Variants in TGM6 observed in about 807,000 individuals in gnomAD.
TGM6 encodes the protein transglutaminase 6.
Under a neutral mutation model 77.5 loss-of-function variants are expected in TGM6, and 74 were observed. That is an observed-to-expected ratio of 0.96 (90% CI 0.79 to 1.16). TGM6 has a LOEUF of 1.16. Among genes scored for constraint, TGM6 ranks in the 50% most tolerant of loss-of-function variants. The probability of loss-of-function intolerance (pLI) is 0.00; values close to 1 mark genes in which losing one functional copy is unlikely to be tolerated. For missense variants in TGM6, 968 were observed against 940.2 expected, an observed-to-expected ratio of 1.03 and a Z score of -0.39; for synonymous variants, 383 against 378.9, an observed-to-expected ratio of 1.01 and a Z score of -0.12.
intron 1 of TGM6, among the ~76,000 whole-genome samples, chr20:2,392,493 CATA>C (rs2084635780): frequency 6.6e-6 from 1 of 152,176 alleles, no homozygotes. Flanking sequence ...ACCCCTGGAA[CATA>C]ATAAGTAACG....
intron 1 of TGM6, among the ~76,000 whole-genome samples, chr20:2,388,370 A>G (rs141074153): frequency 6.6e-6 from 1 of 152,256 alleles, no homozygotes; most frequent in African/African-American, 2.4e-5. Flanking sequence ...ACAGTCTGTA[A>G]CTTCTAGGCT....
intron 12 of TGM6, among the ~76,000 whole-genome samples, chr20:2,432,273 C>G (rs2084928661): frequency 6.6e-6 from 1 of 152,116 alleles, no homozygotes; most frequent in African/African-American, 2.4e-5. Flanking sequence ...GTCTCGAACT[C>G]CTGACCTCAG....
At chr20:2,418,544 G>A (rs1301711010) in intron 10 of TGM6, among the ~76,000 whole-genome samples, 3 of 152,132 alleles carry the variant, frequency 2.0e-5, no homozygotes, top group African/African-American at 4.8e-5. Flanking sequence ...CCAGGAAGGG[G>A]CAAAGCCAGG....
At chr20:2,427,506 A>G (rs1268275073) in intron 10 of TGM6, among the ~76,000 whole-genome samples, 1 of 151,878 alleles carries the variant, frequency 6.6e-6, no homozygotes, top group Non-Finnish European at 1.5e-5. Context: ...GGTTTTGGTG[A>G]TTTTCTCTAT....
At chr20:2,399,499 C>T (rs1026693930) in intron 5 of TGM6, 62 bp from the exon 6 acceptor site, 8 of 1,610,290 alleles carry the variant, frequency 5.0e-6, no homozygotes, top group East Asian at 2.2e-5. Flanking sequence ...GATTTGACCA[C>T]GATGCGGTTC....
At chr20:2,409,217 A>C (rs1486340344) in intron 9 of TGM6, among the ~76,000 whole-genome samples, 1 of 152,230 alleles carries the variant, frequency 6.6e-6, no homozygotes, top group African/African-American at 2.4e-5. Flanking sequence ...TAAACAATAC[A>C]TACGTCTAAA....
At chr20:2,413,724 T>G (rs2084797997) in intron 9 of TGM6, among the ~76,000 whole-genome samples, 1 of 152,326 alleles carries the variant, frequency 6.6e-6, no homozygotes, top group South Asian at 2.1e-4. Context: ...TGGCCTCCTA[T>G]CTCACACGAT....
Position 2,423,776 on chromosome 20 carries a change from C to A in TGM6, c.1678+6203C>A, listed in dbSNP as rs142033137. 4.6e-4 allele frequency among the ~76,000 whole-genome samples: 70 copies of A among 152,336 alleles called. 1 individual carries two copies. The East Asian group carries it at 0.013, about 28-fold the overall frequency. On this transcript the variant is annotated intron_variant, in intron 10 of 12. Coordinates refer to ENST00000202625, the MANE Select transcript of TGM6 (RefSeq NM_198994.3). ...CCATTAGAGGAATCACTATCTATGG[C>A]AGCTATGGCTTTATGAAATGTATTT... is the stretch of plus-strand genomic sequence containing the variant.
rs183532026 is a variant in TGM6, at chr20:2,393,673, C to T, written c.8-779C>T. On this transcript the variant is annotated intron_variant, in intron 1 of 12. Coordinates refer to ENST00000202625, the MANE Select transcript of TGM6 (RefSeq NM_198994.3). ...TTGAGTGGCTGGGATTACAGGCACC[C>T]GCCACCACGCCTGGCTCATTTTTTG... Among the ~76,000 whole-genome samples, 17 of 152,030 alleles carry T rather than the reference C, an allele frequency of 1.1e-4. No individual in the cohort carries two copies. In the East Asian group the frequency reaches 2.5e-3, roughly 23 times the overall value.
intron 10 of TGM6, among the ~76,000 whole-genome samples, chr20:2,420,423 C>T (rs1199465032): frequency 6.6e-6 from 1 of 152,174 alleles, no homozygotes; most frequent in Non-Finnish European, 1.5e-5. Flanking sequence ...CTGTTATTAA[C>T]ATCTTGCTTT....
At chr20:2,429,813 G>T (rs961140847) in intron 10 of TGM6, among the ~76,000 whole-genome samples, 1 of 151,988 alleles carries the variant, frequency 6.6e-6, no homozygotes, top group African/African-American at 2.4e-5. Context: ...ATGCTTACAA[G>T]AAAAGAACAC....
At chr20:2,396,369 C>T (rs1294397019) in intron 3 of TGM6, 137 bp from the exon 4 acceptor site, 4 of 827,744 alleles carry the variant, frequency 4.8e-6, no homozygotes, top group African/African-American at 1.7e-5. Flanking sequence ...CACGGGAGCT[C>T]GCAAGCCCCC....
chr20:2,386,145 C>A (rs1304779913), intron 1 of TGM6, among the ~76,000 whole-genome samples: 1 of 152,178 alleles, frequency 6.6e-6, no homozygotes, highest in African/African-American at 2.4e-5. Flanking sequence ...GTCAGTCTCA[C>A]TGTCCCCATG....
chr20:2,406,077 A>T (rs556046623), intron 9 of TGM6, among the ~76,000 whole-genome samples: 5 of 151,784 alleles, frequency 3.3e-5, no homozygotes, highest in Non-Finnish European at 4.4e-5. Flanking sequence ...CACACCCCCA[A>T]CTCACACTTT....
intron 10 of TGM6, among the ~76,000 whole-genome samples, chr20:2,420,007 G>C (rs1038684812): frequency 1.3e-5 from 2 of 152,168 alleles, no homozygotes; most frequent in South Asian, 4.1e-4. Context: ...CACTTTGGGA[G>C]GCCGAGGCAG....
chr20:2,383,588 A>T (rs977931353), intron 1 of TGM6, among the ~76,000 whole-genome samples: 1 of 152,190 alleles, frequency 6.6e-6, no homozygotes, highest in East Asian at 1.9e-4. Context: ...TGACATGCTG[A>T]CACTCAGAAA....
chr20:2,399,027 T>C (rs1277249487), intron 5 of TGM6, among the ~76,000 whole-genome samples: 1 of 151,982 alleles, frequency 6.6e-6, no homozygotes, highest in Non-Finnish European at 1.5e-5. Context: ...GTGAAAGTCC[T>C]GAACTCAAGG....
At chr20:2,428,850 GTC>G (rs1259906195) in intron 10 of TGM6, among the ~76,000 whole-genome samples, 29 of 152,226 alleles carry the variant, frequency 1.9e-4, no homozygotes, top group African/African-American at 6.3e-4. Flanking sequence ...TTGAGATAGA[GTC>G]TCTCTCTGTC....
chr20:2,396,664 G>T (rs772393406), intron 4 of TGM6, 40 bp downstream of exon 4: 1 of 1,595,818 alleles, frequency 6.3e-7, no homozygotes, highest in Non-Finnish European at 8.6e-7. Flanking sequence ...GTGGGCTGGG[G>T]CATGGGGAGG....
Sources: gnomAD v4.1 joint callset for allele counts (sites outside exome capture counted in the v4.1 genomes callset) on GRCh38, gnomAD v4.1.1 for gene constraint, MANE v1.5 for transcripts, NCBI Gene and HGNC (gene_info 2026-07-23, HGNC 2026-07-21) for gene names.